Variants in CDH17 observed in about 807,000 individuals in gnomAD.
CDH17 encodes the protein cadherin-17.
CDH17 carries 67 observed loss-of-function variants against 86.3 expected under a neutral mutation model. The ratio of observed to expected loss-of-function variants is 0.78; its 90% CI spans 0.64 to 0.95. The LOEUF (loss-of-function observed/expected upper bound fraction) is 0.95. Ranked by LOEUF, CDH17 falls within the 40% of genes least tolerant of loss-of-function variation. CDH17 has a pLI of 0.00. For synonymous variants in CDH17, 367 were observed against 366.4 expected (o/e 1.00, Z -0.02); for missense variants, 993 against 1,017.6 (o/e 0.98, Z 0.33).
intron 9 of CDH17, among the ~76,000 whole-genome samples, chr8:94,169,518 C>T (rs986802046): frequency 6.6e-6 from 1 of 151,960 alleles, no homozygotes; most frequent in Non-Finnish European, 1.5e-5. Context: ...AATGGAGGGA[C>T]GAAAAGAAAA....
intron 1 of CDH17, among the ~76,000 whole-genome samples, chr8:94,214,863 G>A (rs1814171514): frequency 6.6e-6 from 1 of 152,084 alleles, no homozygotes; most frequent in Non-Finnish European, 1.5e-5. Context: ...TAGCTAAAAA[G>A]CACATGAAAA....
intron 8 of CDH17, 84 bp from the exon 9 acceptor site, chr8:94,170,631 G>C (rs901971353): frequency 6.8e-7 from 1 of 1,464,898 alleles, no homozygotes; most frequent in Non-Finnish European, 9.3e-7. Context: ...TCATTTCTAT[G>C]TCATTTACTC....
rs553599507 is a variant in CDH17 at position 94,170,251 on chromosome 8, T to C, written c.1066+146A>G. ...ACTGTTTGATCCCAAATACGGTCCT[T>C]ACGTGACTCCCAAGGTACAGTCAAC... On this transcript the variant is annotated intron_variant, in intron 9 of 17. Transcript: ENST00000027335. 6 of 784,550 alleles carry C rather than the reference T, an allele frequency of 7.6e-6. No individual in the cohort carries two copies. The Middle Eastern group carries it at 7.8e-4, about 101-fold the overall frequency. The allele number at this position is 784,550 out of a possible 1,614,324, so 48.6% of individuals were successfully genotyped here.
At chr8:94,194,354 G>A (rs1813740403) in intron 2 of CDH17, among the ~76,000 whole-genome samples, 1 of 152,212 alleles carries the variant, frequency 6.6e-6, no homozygotes, top group Admixed American at 6.5e-5. Flanking sequence ...GATTCCCTGA[G>A]CTATAGATAG....
intron 7 of CDH17, among the ~76,000 whole-genome samples, chr8:94,172,697 C>G (rs1037812768): frequency 2.0e-5 from 3 of 152,164 alleles, no homozygotes; most frequent in Non-Finnish European, 2.9e-5. Context: ...CACTAACCCA[C>G]AGCTTTCATG....
Position 94,128,022 on chromosome 8 carries a change from G to A in CDH17, c.*218C>T, listed in dbSNP as rs1411285938. On this transcript the variant is annotated 3_prime_UTR_variant, in exon 18 of 18. Coordinates refer to ENST00000027335, the MANE Select transcript of CDH17 (RefSeq NM_004063.4). Reference sequence around the variant, plus strand: ...GCAGGAGAATCATGTGAACCCAGGAGGCGGAGGTTGCAGTGAGCTGGGATC... The same window carrying A: ...GCAGGAGAATCATGTGAACCCAGGAAGCGGAGGTTGCAGTGAGCTGGGATC... 3 of 421,178 alleles carry A rather than the reference G, an allele frequency of 7.1e-6. No homozygotes were observed. Among genetic ancestry groups the A allele is most frequent in the Non-Finnish European group, 8.5e-6 (2 of 235,794 alleles). 26.1% of individuals were successfully genotyped at this position (421,178 alleles called of 1,614,324 possible).
At chr8:94,134,264 G>T (rs1354899693) in intron 15 of CDH17, among the ~76,000 whole-genome samples, 2 of 152,214 alleles carry the variant, frequency 1.3e-5, no homozygotes, top group Non-Finnish European at 2.9e-5. Context: ...GTAGAATTCA[G>T]CTGTGAATCC....
chr8:94,145,788 G>C, intron 15 of CDH17, 140 bp downstream of exon 15: 1 of 936,544 alleles, frequency 1.1e-6, no homozygotes, highest in South Asian at 1.7e-5. Flanking sequence ...GTCCTTCCCT[G>C]TACAAGCTTC....
chr8:94,195,577 C>A (rs182494443), intron 1 of CDH17, among the ~76,000 whole-genome samples: 5 of 152,220 alleles, frequency 3.3e-5, no homozygotes, highest in African/African-American at 1.2e-4. Context: ...TGTCTCCTGT[C>A]CGATATTATT....
intron 14 of CDH17, 77 bp from the exon 15 acceptor site, chr8:94,146,244 AAATTCAAGGAGTTAGGTACACTG>A (rs1812741883): frequency 7.5e-7 from 1 of 1,340,534 alleles, no homozygotes; most frequent in Non-Finnish European, 9.8e-7. Context: ...CCTTTCTTTA[AAATTCAAGGAGTTAGGTACACTG>A]AGATGCTAGA....
intron 11 of CDH17, 36 bp from the exon 12 acceptor site, chr8:94,160,198 T>G: frequency 6.6e-7 from 1 of 1,509,422 alleles, no homozygotes. Context: ...AATGAGAAGG[T>G]CTGCTGTCAT....
intron 15 of CDH17, among the ~76,000 whole-genome samples, chr8:94,143,726 T>C (rs1812681834): frequency 2.0e-5 from 3 of 152,248 alleles, no homozygotes; most frequent in African/African-American, 7.2e-5. Context: ...TTAAACATCA[T>C]AAATCAACCT....
chr8:94,210,040 A>T (rs556299638), upstream of CDH17, among the ~76,000 whole-genome samples: 8 of 152,032 alleles, frequency 5.3e-5, no homozygotes, highest in East Asian at 5.8e-4. Flanking sequence ...CTCATTTAGC[A>T]TGTCTGCAAA....
intron 1 of CDH17, among the ~76,000 whole-genome samples, chr8:94,203,658 C>A (rs1004179483): frequency 6.6e-6 from 1 of 152,190 alleles, no homozygotes; most frequent in African/African-American, 2.4e-5. Flanking sequence ...AGCATCTGAC[C>A]AATTTGCACT....
chr8:94,169,146 T>C (rs1813221277), intron 9 of CDH17, among the ~76,000 whole-genome samples: 1 of 152,094 alleles, frequency 6.6e-6, no homozygotes, highest in South Asian at 2.1e-4. Flanking sequence ...GTCAAGAAAG[T>C]TGTCAAAGAT....
chr8:94,166,500 G>A (rs1397866102), intron 9 of CDH17, among the ~76,000 whole-genome samples: 4 of 152,156 alleles, frequency 2.6e-5, no homozygotes. Flanking sequence ...ATGAATCTGG[G>A]GGAGGGGGAA....
upstream of CDH17, among the ~76,000 whole-genome samples, chr8:94,209,494 C>A (rs1814087950): frequency 6.6e-6 from 1 of 152,286 alleles, no homozygotes; most frequent in African/African-American, 2.4e-5. Flanking sequence ...AGCCCACTCT[C>A]TAGAAGGGCT....
intron 10 of CDH17, 72 bp downstream of exon 10, chr8:94,165,689 A>C: frequency 1.0e-6 from 1 of 975,956 alleles, no homozygotes; most frequent in Non-Finnish European, 1.7e-6. Flanking sequence ...ACCAGACATT[A>C]GCGCAGGAAA....
intron 11 of CDH17, among the ~76,000 whole-genome samples, chr8:94,160,782 A>C (rs188901564): frequency 5.8e-4 from 89 of 152,366 alleles, no homozygotes; most frequent in African/African-American, 1.9e-3. Flanking sequence ...GTAAGTGCTC[A>C]ATAAAGAAAA....
Sources: gnomAD v4.1 joint callset for allele counts (sites outside exome capture counted in the v4.1 genomes callset) on GRCh38, gnomAD v4.1.1 for gene constraint, MANE v1.5 for transcripts, NCBI Gene and HGNC (gene_info 2026-07-23, HGNC 2026-07-21) for gene names.